Variants in PLEKHA5 observed in about 807,000 individuals in gnomAD.
The protein encoded by PLEKHA5 is pleckstrin homology domain-containing family A member 5.
Under a neutral mutation model 181.9 loss-of-function variants are expected in PLEKHA5, and 55 were observed. That is an observed-to-expected ratio of 0.30 (90% CI 0.24 to 0.38). The LOEUF is 0.38. PLEKHA5 is among the 10% of genes least tolerant of loss of function. PLEKHA5 has a pLI of 1.00. For synonymous variants in PLEKHA5, 535 were observed against 529.4 expected (o/e 1.01, Z -0.15); for missense variants, 1,432 against 1,549.5 (o/e 0.92, Z 1.27).
chr12:19,334,831 T>A (rs12306096), intron 20 of PLEKHA5, among the ~76,000 whole-genome samples: 2,889 of 7,554 alleles, frequency 0.38, 609 homozygotes, highest in Non-Finnish European at 0.54. Flanking sequence ...AAAAAAAAAA[T>A]ATATATATAT....
At chr12:19,165,804 A>G (rs988208135) in intron 3 of PLEKHA5, among the ~76,000 whole-genome samples, 1 of 152,116 alleles carries the variant, frequency 6.6e-6, no homozygotes, top group Non-Finnish European at 1.5e-5. Context: ...TGGGGGTGCA[A>G]TTTCATCATA....
intron 3 of PLEKHA5, 143 bp from the exon 4 acceptor site, chr12:19,253,797 G>A (rs1361780675): frequency 1.6e-6 from 1 of 634,530 alleles, no homozygotes; most frequent in South Asian, 1.8e-5. Context: ...TCCAACCTGG[G>A]CGACAAGAAT....
At chr12:19,363,295 G>T (rs1251338897) in intron 29 of PLEKHA5, among the ~76,000 whole-genome samples, 1 of 151,122 alleles carries the variant, frequency 6.6e-6, no homozygotes, top group Non-Finnish European at 1.5e-5. Flanking sequence ...CAGACTACAG[G>T]CGCGTGTCAC....
intron 9 of PLEKHA5, 96 bp from the exon 10 acceptor site, chr12:19,270,092 T>G (rs2072138717): frequency 1.3e-6 from 1 of 754,776 alleles, no homozygotes; most frequent in Non-Finnish European, 2.1e-6. Flanking sequence ...TTATTCCACT[T>G]TTCTTCTTTT....
chr12:19,347,262 A>T, intron 24 of PLEKHA5, 80 bp downstream of exon 24: 1 of 831,370 alleles, frequency 1.2e-6, no homozygotes, highest in Non-Finnish European at 1.8e-6. Context: ...TTACACTCAA[A>T]CTTTTTTTTT....
intron 12 of PLEKHA5, 35 bp downstream of exon 12, chr12:19,283,780 C>T: frequency 3.8e-6 from 5 of 1,299,088 alleles, no homozygotes; most frequent in Admixed American, 1.8e-5. Context: ...TAACTCACTA[C>T]CTTATAAATG....
At position 19,274,860 on chromosome 12, in the gene PLEKHA5, G is replaced by T; in HGVS notation, c.1190G>T (p.Arg397Leu). The change falls in exon 11 of 32, where the codon CGC becomes CTC. Residue 397 changes from arginine (R) to leucine (L), a missense_variant. Physicochemically the swap from Arg to Leu is moderately radical, Grantham distance 102 (BLOSUM62 -2). Around this residue, in one of 2 missense-constraint regions of PLEKHA5, gnomAD observed 1,143 missense variants for 1,168.4 expected, o/e 0.98. Coordinates refer to ENST00000429027, the MANE Select transcript of PLEKHA5 (RefSeq NM_001256470.2). The stretch of plus-strand genomic sequence containing the variant: ...CTGGCAGATCTTAGAGGTGGAAATC[G>T]CCCCAATACAGGGCCCTTATACACA... ...VSLADLRGGNRPNTGPLYTEA... is the reference protein window; with the variant it reads ...VSLADLRGGNLPNTGPLYTEA... 1.2e-6 allele frequency: 2 copies of T among 1,613,970 alleles called. No individual in the cohort carries two copies. Among genetic ancestry groups the T allele is most frequent in the Admixed American group, 1.7e-5 (1 of 60,004 alleles).
intron 3 of PLEKHA5, among the ~76,000 whole-genome samples, chr12:19,174,615 A>G (rs949482655): frequency 1.3e-5 from 2 of 152,014 alleles, no homozygotes; most frequent in African/African-American, 2.4e-5. Flanking sequence ...CAACTTTTTC[A>G]TTTTACTGAC....
At chr12:19,350,740 C>T (rs978704894) in intron 25 of PLEKHA5, among the ~76,000 whole-genome samples, 5 of 152,096 alleles carry the variant, frequency 3.3e-5, no homozygotes, top group African/African-American at 1.2e-4. Flanking sequence ...TGCACTCCAG[C>T]CTAGACAGTG....
chr12:19,245,811 T>G (rs1217518384), intron 3 of PLEKHA5, among the ~76,000 whole-genome samples: 2 of 150,388 alleles, frequency 1.3e-5, no homozygotes, highest in African/African-American at 4.9e-5. Context: ...AGCAGCCACC[T>G]TGGGCTTGAG....
intron 15 of PLEKHA5, among the ~76,000 whole-genome samples, chr12:19,293,016 G>T (rs2078860267): frequency 6.6e-6 from 1 of 152,044 alleles, no homozygotes; most frequent in Non-Finnish European, 1.5e-5. Context: ...ATTTTAATTT[G>T]TTGGGAATTT....
At chr12:19,262,258 G>A (rs769188837) in intron 7 of PLEKHA5, among the ~76,000 whole-genome samples, 2 of 152,144 alleles carry the variant, frequency 1.3e-5, no homozygotes, top group Non-Finnish European at 2.9e-5. Flanking sequence ...TTTTGAGACA[G>A]AGTCTTGCTC....
rs114120947 is a variant in PLEKHA5, at chr12:19,192,125, T to A, written c.227+59675T>A. Among the ~76,000 whole-genome samples, 806 of 152,164 alleles carry A rather than the reference T, an allele frequency of 5.3e-3. 6 individuals are homozygous for A. Among genetic ancestry groups the A allele is most frequent in the African/African-American group, 0.018 (734 of 41,508 alleles). ...ACAATTGACTTGAATTTAAAAAAAA[T>A]TTTAGTATTTTTATTTTTAATTTTA... is the stretch of plus-strand genomic sequence containing the variant. On this transcript the variant is annotated intron_variant, in intron 3 of 31. Coordinates refer to ENST00000429027, the MANE Select transcript of PLEKHA5 (RefSeq NM_001256470.2).
chr12:19,191,290 G>T (rs531713379), intron 3 of PLEKHA5, among the ~76,000 whole-genome samples: 1 of 152,176 alleles, frequency 6.6e-6, no homozygotes, highest in Non-Finnish European at 1.5e-5. Context: ...GAGTGAAGTA[G>T]GGATTATTTC....
At chr12:19,176,935 C>G (rs1284627534) in intron 3 of PLEKHA5, among the ~76,000 whole-genome samples, 2 of 152,016 alleles carry the variant, frequency 1.3e-5, no homozygotes, top group Non-Finnish European at 2.9e-5. Context: ...ACGATCTTGG[C>G]TCACTGGAAC....
At chr12:19,179,584 C>T (rs375838161) in intron 3 of PLEKHA5, among the ~76,000 whole-genome samples, 1 of 152,194 alleles carries the variant, frequency 6.6e-6, no homozygotes, top group South Asian at 2.1e-4. Flanking sequence ...CGCTTGAACC[C>T]GGGAGGCAGA....
At chr12:19,247,783 C>T (rs1332941054) in intron 3 of PLEKHA5, among the ~76,000 whole-genome samples, 1 of 151,248 alleles carries the variant, frequency 6.6e-6, no homozygotes, top group African/African-American at 2.4e-5. Context: ...GGGGTGAGGG[C>T]ATTCGTTCAT....
chr12:19,312,291 A>G (rs542511967), intron 15 of PLEKHA5, among the ~76,000 whole-genome samples: 1 of 152,326 alleles, frequency 6.6e-6, no homozygotes, highest in East Asian at 1.9e-4. Flanking sequence ...CAGCTGCATT[A>G]TCCCCAAACA....
At chr12:19,200,654 C>G (rs961733299) in intron 3 of PLEKHA5, 1 of 1,067,744 alleles carries the variant, frequency 9.4e-7, no homozygotes, top group Non-Finnish European at 1.1e-6. Context: ...CTGTCTGTAT[C>G]TTCATTCATT....
Sources: gnomAD v4.1 joint callset for allele counts (sites outside exome capture counted in the v4.1 genomes callset) on GRCh38, gnomAD v4.1.1 for gene constraint, gnomAD v4.1.1 regional missense constraint, MANE v1.5 for transcripts, NCBI Gene and HGNC (gene_info 2026-07-23, HGNC 2026-07-21) for gene names.